The following RANBP17 variants were observed in gnomAD, a reference collection of about 807,000 sequenced individuals.
RANBP17 encodes ran-binding protein 17.
RANBP17 carries 158 observed loss-of-function variants against 141.2 expected under a neutral mutation model. That is an observed-to-expected ratio of 1.12 (90% CI 0.98 to 1.28). The LOEUF is 1.28. RANBP17 is among the 50% of genes most tolerant of loss of function. RANBP17 has a pLI of 0.00. For synonymous variants in RANBP17, 430 were observed against 450.0 expected (o/e 0.96, Z 0.56); for missense variants, 1,438 against 1,290.7 (o/e 1.11, Z -1.75).
Position 171,241,829 on chromosome 5 carries a change from C to T in RANBP17, c.2637+687C>T, listed in dbSNP as rs1444617782. Among the ~76,000 whole-genome samples the T allele has an allele frequency of 6.6e-5, 10 of 152,200 alleles. 1 individual carries two copies. The East Asian group carries it at 1.2e-3, about 18-fold the overall frequency. On this transcript the variant is annotated intron_variant, in intron 23 of 27. Transcript: ENST00000523189. ...TTGAAGGTGCATAAGACTCTCTTAA[C>T]GTGTGTTAAAAATATACATTTCAGA...
At chr5:171,120,283 GC>G (rs1755939748) in intron 14 of RANBP17, among the ~76,000 whole-genome samples, 2 of 152,174 alleles carry the variant, frequency 1.3e-5, no homozygotes, top group Non-Finnish European at 1.5e-5. Context: ...ACAGCATTGT[GC>G]CTTGCCCAAG....
intron 11 of RANBP17, among the ~76,000 whole-genome samples, chr5:170,919,924 T>C (rs1183529745): frequency 6.6e-6 from 1 of 152,132 alleles, no homozygotes; most frequent in Admixed American, 6.5e-5. Context: ...TTATACAGTA[T>C]GCAGCTTTTT....
intron 14 of RANBP17, among the ~76,000 whole-genome samples, chr5:171,149,261 C>G (rs1338790735): frequency 6.6e-6 from 1 of 152,164 alleles, no homozygotes; most frequent in Non-Finnish European, 1.5e-5. Context: ...TTACTGAGCT[C>G]TGAGCTATGC....
chr5:171,277,295 C>G lies in RANBP17; in HGVS notation c.2943+11448C>G, dbSNP rs948145017. ...CCTAGGATCGTCTCCCTGCATCACA[C>G]GAAGCTAGCCTAAGACTTACCAGAC... On this transcript the variant is annotated intron_variant, in intron 25 of 27. Transcript: ENST00000523189. Among the ~76,000 whole-genome samples, 8 of 151,778 alleles carry G rather than the reference C, an allele frequency of 5.3e-5. No individual in the cohort carries two copies. The South Asian group carries it at 1.7e-3, about 32-fold the overall frequency.
chr5:170,949,712 C>T (rs542527994), intron 12 of RANBP17, among the ~76,000 whole-genome samples: 35 of 152,082 alleles, frequency 2.3e-4, no homozygotes, highest in Non-Finnish European at 4.4e-4. Context: ...TCAGCAATTC[C>T]ACTTCTAAGT....
chr5:171,071,318 A>G lies in RANBP17; in HGVS notation c.1711-98812A>G, dbSNP rs570474722. On this transcript the variant is annotated intron_variant, in intron 14 of 27. Transcript: ENST00000523189. ...TATATATTCAGTGTAATCATGATCA[A>G]AATCCCAGCATATTTTTTGTAGATA... 3.3e-5 allele frequency among the ~76,000 whole-genome samples: 5 copies of G among 152,234 alleles called. No individual in the cohort carries two copies. In the East Asian group the frequency reaches 9.6e-4, roughly 29 times the overall value.
intron 16 of RANBP17, among the ~76,000 whole-genome samples, chr5:171,175,365 G>C (rs1760378076): frequency 6.6e-6 from 1 of 152,084 alleles, no homozygotes; most frequent in South Asian, 2.1e-4. Flanking sequence ...AGATCCTTGA[G>C]GAATTGCCAC....
intron 24 of RANBP17, chr5:171,252,325 GT>G (rs779644269): frequency 2.2e-5 from 34 of 1,544,654 alleles, no homozygotes; most frequent in Non-Finnish European, 2.9e-5. Context: ...CCCAATGCGG[GT>G]TCATGAGATT....
chr5:171,192,579 G>A (rs922018365), intron 18 of RANBP17, among the ~76,000 whole-genome samples: 6 of 152,162 alleles, frequency 3.9e-5, no homozygotes, highest in Non-Finnish European at 8.8e-5. Flanking sequence ...AGAAAACTAC[G>A]TAGAAGAGTT....
chr5:171,213,719 G>T lies in RANBP17; in HGVS notation c.2320G>T (p.Ala774Ser). ...TACAACTCCCATCTTGAAACTTATG[G>T]CAGAACTTATGCAAAACAGGTAAGC... The part of the protein sequence containing the change: ...TCTTPILKLM[A>S]ELMQNRSQRL... Residue 774 changes from alanine to serine, a missense_variant, in exon 21 of 28, where the codon GCA (alanine) becomes TCA (serine). Ala to Ser is a moderately conservative substitution (Grantham distance 99, BLOSUM62 1). Transcript: ENST00000523189. The T allele has an allele frequency of 6.2e-7, 1 of 1,612,970 alleles. No individual in the cohort carries two copies. Among genetic ancestry groups the T allele is most frequent in the Non-Finnish European group, 8.5e-7 (1 of 1,179,050 alleles).
At chr5:170,988,061 AGAT>A (rs1778267255) in intron 14 of RANBP17, among the ~76,000 whole-genome samples, 1 of 151,750 alleles carries the variant, frequency 6.6e-6, no homozygotes, top group Non-Finnish European at 1.5e-5. Flanking sequence ...AAGAATTCAA[AGAT>A]GATGATTTTT....
At chr5:170,955,996 T>TC (rs1356136481) in intron 13 of RANBP17, among the ~76,000 whole-genome samples, 1 of 151,352 alleles carries the variant, frequency 6.6e-6, no homozygotes, top group African/African-American at 2.4e-5. Flanking sequence ...AGATTTTTTT[T>TC]CCACTTCTGA....
At chr5:171,040,977 A>ATC (rs761871022) in intron 14 of RANBP17, among the ~76,000 whole-genome samples, 12 of 152,120 alleles carry the variant, frequency 7.9e-5, no homozygotes, top group Admixed American at 6.5e-5. Context: ...CGAAATGTTG[A>ATC]TCCAGGGCTG....
At chr5:171,197,077 G>A (rs1450410216) in intron 18 of RANBP17, among the ~76,000 whole-genome samples, 2 of 152,150 alleles carry the variant, frequency 1.3e-5, no homozygotes, top group African/African-American at 4.8e-5. Flanking sequence ...TATCTTAGAA[G>A]AGTAAGATTA....
At chr5:171,199,255 C>G (rs533695926) in intron 18 of RANBP17, among the ~76,000 whole-genome samples, 1 of 152,104 alleles carries the variant, frequency 6.6e-6, no homozygotes, top group African/African-American at 2.4e-5. Flanking sequence ...TTAGAGCTAT[C>G]TGGGCACCTG....
Position 171,009,761 on chromosome 5 carries a change from T to G in RANBP17, c.1710+41384T>G, listed in dbSNP as rs1368893658. On this transcript the variant is annotated intron_variant, in intron 14 of 27. Transcript: ENST00000523189. ...GCTTTTGGTAACTGATGGAAACACT[T>G]GTATCAAGTAACCATCTTGCTGATA... Among the ~76,000 whole-genome samples, 5 of 152,260 alleles carry G rather than the reference T, an allele frequency of 3.3e-5. No individual in the cohort carries two copies. In the South Asian group the frequency reaches 8.3e-4, roughly 25 times the overall value.
chr5:170,997,561 C>A (rs1000975057), intron 14 of RANBP17, among the ~76,000 whole-genome samples: 2 of 152,178 alleles, frequency 1.3e-5, no homozygotes, highest in Non-Finnish European at 2.9e-5. Flanking sequence ...GAAAGTCTTT[C>A]TAGCATGCTT....
intron 25 of RANBP17, among the ~76,000 whole-genome samples, chr5:171,277,633 GTATGTATATATATA>G (rs1406333463): frequency 5.1e-5 from 1 of 19,618 alleles, no homozygotes; most frequent in Non-Finnish European, 7.8e-5. Flanking sequence ...ATACATATAT[GTATGTATATATATA>G]TATATATATA....
chr5:171,082,529 A>G (rs1462174481), intron 14 of RANBP17, among the ~76,000 whole-genome samples: 2 of 152,116 alleles, frequency 1.3e-5, no homozygotes, highest in African/African-American at 4.8e-5. Flanking sequence ...CCTTTGCTCA[A>G]CATTTTTACA....
Sources: gnomAD v4.1 joint callset for allele counts (sites outside exome capture counted in the v4.1 genomes callset) on GRCh38, gnomAD v4.1.1 for gene constraint, MANE v1.5 for transcripts, NCBI Gene and HGNC (gene_info 2026-07-23, HGNC 2026-07-21) for gene names.